CMSS1: variants seen among roughly 807,000 people sequenced by gnomAD.
CMSS1 encodes the protein cms1 ribosomal small subunit homolog.
Under a neutral mutation model 43.5 loss-of-function variants are expected in CMSS1, and 33 were observed. That is an observed-to-expected ratio of 0.76 (90% CI 0.57 to 1.01). CMSS1 has a LOEUF of 1.01. Ranked by LOEUF, CMSS1 falls within the 50% of genes least tolerant of loss-of-function variation. The probability of loss-of-function intolerance (pLI) is 0.00; values close to 1 mark genes in which losing one functional copy is unlikely to be tolerated. For synonymous variants in CMSS1, 115 were observed against 117.2 expected (o/e 0.98, Z 0.12); for missense variants, 313 against 326.4 (o/e 0.96, Z 0.32).
At chr3:99,943,576 C>T (rs1050360130) in intron 1 of CMSS1, among the ~76,000 whole-genome samples, 9 of 151,936 alleles carry the variant, frequency 5.9e-5, no homozygotes, top group Admixed American at 2.6e-4. Context: ...TGGTGGCATG[C>T]GCCTGTAGTC....
chr3:100,025,497 A>G (rs144297561), intron 1 of CMSS1: 2 of 152,264 alleles, frequency 1.3e-5, no homozygotes, highest in East Asian at 3.9e-4. Context: ...AGATAAATAA[A>G]ATCAAAACCA....
In CMSS1 at chr3:100,050,967, C is replaced by T. The variant is rs148872054; in HGVS notation, c.65-96006C>T. Among the ~76,000 whole-genome samples, 834 of 152,332 alleles carry T rather than the reference C, an allele frequency of 5.5e-3. 3 individuals carry two copies. Among genetic ancestry groups the T allele is most frequent in the African/African-American group, 0.019 (796 of 41,566 alleles). Reference sequence around the variant, plus strand: ...CCAAAAGTCAGCTCTATAATGCCCTCTACCAAACTATTTTCACATGTTTTA... The same window carrying T: ...CCAAAAGTCAGCTCTATAATGCCCTTTACCAAACTATTTTCACATGTTTTA... On this transcript the variant is annotated intron_variant, in intron 1 of 9. Coordinates refer to ENST00000421999, the MANE Select transcript of CMSS1 (RefSeq NM_032359.4).
chr3:99,977,592 A>G (rs952503524), intron 1 of CMSS1, among the ~76,000 whole-genome samples: 2 of 152,220 alleles, frequency 1.3e-5, no homozygotes, highest in African/African-American at 4.8e-5. Context: ...CATGAAATAA[A>G]TTTCAACAAC....
chr3:100,099,568 A>G (rs553101119), intron 1 of CMSS1, among the ~76,000 whole-genome samples: 15 of 152,304 alleles, frequency 9.8e-5, no homozygotes, highest in Non-Finnish European at 1.9e-4. Context: ...AACTTTTCTG[A>G]GCCTCATTTC....
At chr3:99,914,236 G>C (rs1706882857) in intron 1 of CMSS1, among the ~76,000 whole-genome samples, 1 of 152,200 alleles carries the variant, frequency 6.6e-6, no homozygotes, top group African/African-American at 2.4e-5. Flanking sequence ...CTTGATATAG[G>C]ATATATGAAG....
chr3:100,033,436 A>G lies in CMSS1; in HGVS notation c.65-113537A>G, dbSNP rs1288111878. Among the ~76,000 whole-genome samples the G allele has an allele frequency of 4.5e-4, 68 of 152,184 alleles. 2 individuals are homozygous for G. The highest frequency in any genetic ancestry group is 4.4e-3 in the Admixed American group (67 of 15,268). ...ATCCCCTTTGAAAATCACAGCTCCT[A>G]GAGCTTTGTGTTATCTTCTTGAAGG... On this transcript the variant is annotated intron_variant, in intron 1 of 9. Coordinates refer to ENST00000421999, the MANE Select transcript of CMSS1 (RefSeq NM_032359.4).
intron 1 of CMSS1, among the ~76,000 whole-genome samples, chr3:100,079,968 A>G (rs2107400398): frequency 1.3e-5 from 2 of 152,286 alleles, no homozygotes; most frequent in Admixed American, 6.5e-5. Flanking sequence ...TGGCATATTG[A>G]GAAACAGAGT....
chr3:100,153,419 T>C (rs553557616), intron 2 of CMSS1, among the ~76,000 whole-genome samples: 2 of 152,350 alleles, frequency 1.3e-5, no homozygotes, highest in South Asian at 4.1e-4. Flanking sequence ...CTGCTAGGGC[T>C]GCCATAACAA....
intron 1 of CMSS1, among the ~76,000 whole-genome samples, chr3:100,112,485 G>A (rs572500233): frequency 1.3e-5 from 2 of 152,242 alleles, no homozygotes; most frequent in South Asian, 4.2e-4. Flanking sequence ...CTAAGACCAA[G>A]TCTTGACTAA....
chr3:99,914,611 C>T (rs1269271734), intron 1 of CMSS1, among the ~76,000 whole-genome samples: 2 of 152,148 alleles, frequency 1.3e-5, no homozygotes, highest in Non-Finnish European at 2.9e-5. Context: ...TTCTCTTCTT[C>T]ATTGTTAGTA....
At chr3:99,844,278 T>C (rs1384822033) in intron 1 of CMSS1, among the ~76,000 whole-genome samples, 2 of 152,230 alleles carry the variant, frequency 1.3e-5, no homozygotes, top group Non-Finnish European at 2.9e-5. Flanking sequence ...TCTCATTGGA[T>C]AGCTCTGAGT....
chr3:100,148,458 T>C (rs562409840), intron 2 of CMSS1, among the ~76,000 whole-genome samples: 8 of 152,314 alleles, frequency 5.3e-5, no homozygotes, highest in African/African-American at 1.7e-4. Context: ...TGGGGTCTTA[T>C]TCTTATTGTA....
At chr3:99,907,886 G>A (rs1350706356) in intron 1 of CMSS1, among the ~76,000 whole-genome samples, 4 of 152,122 alleles carry the variant, frequency 2.6e-5, no homozygotes, top group African/African-American at 9.7e-5. Context: ...CTCCTCCTGA[G>A]GGCAAGGGCC....
chr3:99,954,539 A>C (rs988424647), intron 1 of CMSS1, among the ~76,000 whole-genome samples: 1 of 152,112 alleles, frequency 6.6e-6, no homozygotes, highest in African/African-American at 2.4e-5. Context: ...AAATAAGAAT[A>C]ACTGGGCTGG....
intron 1 of CMSS1, among the ~76,000 whole-genome samples, chr3:100,077,596 A>G (rs993398509): frequency 6.6e-6 from 1 of 152,206 alleles, no homozygotes; most frequent in African/African-American, 2.4e-5. Flanking sequence ...TAACATAGTA[A>G]AACAGTACAG....
intron 5 of CMSS1, 36 bp from the exon 6 acceptor site, chr3:100,167,702 A>T (rs757615098): frequency 6.9e-7 from 1 of 1,447,668 alleles, no homozygotes. Context: ...CTGTTTTGCC[A>T]TATTTCAAAT....
At chr3:99,861,729 A>G (rs1944266532) in intron 1 of CMSS1, among the ~76,000 whole-genome samples, 1 of 152,064 alleles carries the variant, frequency 6.6e-6, no homozygotes, top group Admixed American at 6.6e-5. Context: ...CAGCATGTAC[A>G]CTCTCTAGTA....
intron 1 of CMSS1, among the ~76,000 whole-genome samples, chr3:99,876,360 C>T (rs1705521253): frequency 6.6e-6 from 1 of 152,084 alleles, no homozygotes; most frequent in Non-Finnish European, 1.5e-5. Flanking sequence ...CCGTGGTTCC[C>T]GGCTCCCAGC....
chr3:99,834,531 C>T (rs1376597444), intron 1 of CMSS1, among the ~76,000 whole-genome samples: 1 of 152,176 alleles, frequency 6.6e-6, no homozygotes, highest in Admixed American at 6.5e-5. Flanking sequence ...TGTGTCAGAC[C>T]AAGCATCAGA....
Sources: allele counts gnomAD v4.1 joint callset (sites outside exome capture counted in the v4.1 genomes callset), GRCh38; gene constraint gnomAD v4.1.1; transcripts MANE v1.5; gene names NCBI Gene and HGNC (gene_info 2026-07-23, HGNC 2026-07-21).